Variants in MED23 observed in about 807,000 individuals in gnomAD.
MED23 encodes the protein mediator complex subunit 23.
In MED23, 105 loss-of-function variants were observed where a neutral mutation model predicts 163.9. The observed-to-expected ratio is 0.64, with a 90% CI of 0.55 to 0.75. The LOEUF is 0.75. Ranked by LOEUF, MED23 falls within the 30% of genes least tolerant of loss-of-function variation. The pLI is 0.00. For synonymous variants in MED23, 561 were observed against 565.6 expected (o/e 0.99, Z 0.12); for missense variants, 1,054 against 1,649.0 (o/e 0.64, Z 6.25).
At chr6:131,594,023 T>G in intron 23 of MED23, 76 bp downstream of exon 23, 1 of 1,278,140 alleles carries the variant, frequency 7.8e-7, no homozygotes. Context: ...AAAAATTACT[T>G]TAAAAGAAAA....
rs764696376 is a variant in MED23, at chr6:131,586,907, A to C, written c.*772T>G. 10 of 1,452,968 alleles carry C rather than the reference A, an allele frequency of 6.9e-6. No homozygotes were observed. In the African/African-American group the frequency reaches 1.1e-4, roughly 16 times the overall value. 90.0% of individuals were successfully genotyped at this position (1,452,968 alleles called of 1,614,324 possible). A position where few individuals can be genotyped will look rare whatever the true frequency, so the allele number is the denominator to read the frequency against. On this transcript the variant is annotated 3_prime_UTR_variant, in exon 29 of 29. Transcript: ENST00000368068. ...ATTTTAAGATTATAAAAATTGAAGAATTACATCATCTGTCAGGTGAGAGTG... is the reference window on the plus strand; with the variant it reads ...ATTTTAAGATTATAAAAATTGAAGACTTACATCATCTGTCAGGTGAGAGTG...
chr6:131,592,481 T>A, intron 24 of MED23, 21 bp from the exon 25 acceptor site: 1 of 1,607,402 alleles, frequency 6.2e-7, no homozygotes. Context: ...CAAAAAAGAA[T>A]GTAAGTATGA....
chr6:131,582,667 C>T, downstream of MED23: 1 of 1,613,864 alleles, frequency 6.2e-7, no homozygotes, highest in Non-Finnish European at 8.5e-7. Context: ...TGTATATCTG[C>T]CAAGGATATT....
At chr6:131,608,824 T>C (rs577242153) in intron 11 of MED23, among the ~76,000 whole-genome samples, 3 of 152,362 alleles carry the variant, frequency 2.0e-5, no homozygotes, top group South Asian at 2.1e-4. Context: ...GGAGATGTTA[T>C]GTAAAACAAC....
At chr6:131,608,331 G>A (rs912318102) in intron 11 of MED23, among the ~76,000 whole-genome samples, 4 of 152,008 alleles carry the variant, frequency 2.6e-5, no homozygotes. Flanking sequence ...AAAATGCAAT[G>A]TTTTAGAACA....
At chr6:131,593,308 G>T (rs117875024) in intron 23 of MED23, 137 bp from the exon 24 acceptor site, 102 of 1,054,446 alleles carry the variant, frequency 9.7e-5, no homozygotes, top group Non-Finnish European at 1.4e-4. Context: ...AAATGAGTTT[G>T]ACATGATTGA....
intron 6 of MED23, 71 bp from the exon 7 acceptor site, chr6:131,620,800 CATT>C: frequency 4.6e-6 from 4 of 871,164 alleles, no homozygotes; most frequent in South Asian, 3.4e-5. Flanking sequence ...TATTTATTAT[CATT>C]ATTTTTTTTT....
downstream of MED23, chr6:131,583,610 G>T (rs2114550354): frequency 6.6e-7 from 1 of 1,522,408 alleles, no homozygotes; most frequent in South Asian, 1.2e-5. Flanking sequence ...TCAGTCACAT[G>T]ATGCAATAAC....
At chr6:131,600,308 C>T (rs1775370491) in intron 17 of MED23, 146 bp from the exon 18 acceptor site, 1 of 774,896 alleles carries the variant, frequency 1.3e-6, no homozygotes, top group Admixed American at 2.3e-5. Flanking sequence ...AGCTTAGAAC[C>T]TAAATTTGCT....
intron 23 of MED23, 108 bp from the exon 24 acceptor site, chr6:131,593,279 G>T: frequency 7.6e-7 from 1 of 1,322,450 alleles, no homozygotes; most frequent in Non-Finnish European, 1.1e-6. Flanking sequence ...AGATTAAGAG[G>T]CAAATGCAAA....
At chr6:131,622,095 A>G (rs1777152910) in intron 5 of MED23, 116 bp from the exon 6 acceptor site, 1 of 673,804 alleles carries the variant, frequency 1.5e-6, no homozygotes, top group Non-Finnish European at 2.6e-6. Context: ...AAATTTTCTG[A>G]ATCAGTTACA....
intron 11 of MED23, among the ~76,000 whole-genome samples, chr6:131,608,732 T>A (rs563088022): frequency 2.4e-4 from 36 of 152,262 alleles, no homozygotes; most frequent in Non-Finnish European, 4.4e-4. Flanking sequence ...TAACAGAAAC[T>A]AATGGTGGTT....
At chr6:131,578,747 T>C (rs1773759114) in intron 30 of MED23, among the ~76,000 whole-genome samples, 1 of 152,144 alleles carries the variant, frequency 6.6e-6, no homozygotes, top group African/African-American at 2.4e-5. Flanking sequence ...ATGCTTACTA[T>C]AGAAAGGTAA....
At position 131,624,878 on chromosome 6, in the gene MED23, G is replaced by A; in HGVS notation, c.271C>T (p.Leu91Phe). ...DCLAMAVETG[L>F]LPPRLVCESL... ...CATTAAACGTACCTGGGTGGAAGGA[G>A]ACCAGTCTCAACTGCCATTGCTAAG... is the stretch of plus-strand genomic sequence containing the variant. The change falls in exon 4 of 29, where the codon CTC (leucine) becomes TTC (phenylalanine). Residue 91 changes from leucine to phenylalanine, a missense_variant. Leu to Phe is a conservative substitution (Grantham distance 22, BLOSUM62 0). Transcript: ENST00000368068. 1 of 1,613,838 alleles carries A rather than the reference G, an allele frequency of 6.2e-7. No individual in the cohort carries two copies. Among genetic ancestry groups the A allele is most frequent in the South Asian group, 1.1e-5 (1 of 91,078 alleles).
chr6:131,606,978 T>C (rs1166951511), intron 12 of MED23, among the ~76,000 whole-genome samples: 2 of 152,022 alleles, frequency 1.3e-5, no homozygotes, highest in East Asian at 1.9e-4. Context: ...AAGTGACAAA[T>C]GTAACTAAAA....
At chr6:131,590,191 G>A (rs1230398546) in intron 27 of MED23, 131 bp downstream of exon 27, 1 of 790,848 alleles carries the variant, frequency 1.3e-6, no homozygotes, top group Non-Finnish European at 2.1e-6. Context: ...CTCTAAAATT[G>A]CTCTTGGATC....
At chr6:131,597,133 AT>A (rs1431322055) in intron 20 of MED23, among the ~76,000 whole-genome samples, 1 of 152,090 alleles carries the variant, frequency 6.6e-6, no homozygotes, top group Admixed American at 6.6e-5. Context: ...CCGCCATAGA[AT>A]TTTTTTCAAT....
At chr6:131,581,740 T>C (rs1206031839), downstream of MED23, among the ~76,000 whole-genome samples, 1 of 152,216 alleles carries the variant, frequency 6.6e-6, no homozygotes, top group African/African-American at 2.4e-5. Context: ...CATTCCTTCC[T>C]CTTTCCACTA....
In MED23 at chr6:131,627,389, C is replaced by G. The variant is rs776519695; in HGVS notation, c.159+7G>C. 7.5e-6 allele frequency: 12 copies of G among 1,607,928 alleles called. No individual in the cohort carries two copies. The highest frequency in any genetic ancestry group is 2.7e-5 in the African/African-American group (2 of 74,124). On this transcript the variant is annotated splice_region_variant and intron_variant, in intron 3 of 28. Transcript: ENST00000368068. ...TCAGCTGAATGTATTAAAAATGAAG[C>G]GCTCACCTGAGAAAGACCACCCCAA...
Sources: allele counts gnomAD v4.1 joint callset (sites outside exome capture counted in the v4.1 genomes callset), GRCh38; gene constraint gnomAD v4.1.1; transcripts MANE v1.5; gene names NCBI Gene and HGNC (gene_info 2026-07-23, HGNC 2026-07-21).